Variants in PRRX2 observed in about 807,000 individuals in gnomAD.
PRRX2 encodes the protein paired related homeobox 2.
Under a neutral mutation model 18.0 loss-of-function variants are expected in PRRX2, and 11 were observed. That is an observed-to-expected ratio of 0.61 (90% CI 0.39 to 1.01). The LOEUF (loss-of-function observed/expected upper bound fraction) is 1.01, where lower values mean the gene tolerates loss of function less well. Ranked by LOEUF, PRRX2 falls within the 50% of genes least tolerant of loss-of-function variation. PRRX2 has a pLI of 0.01. For missense variants in PRRX2, 387 were observed against 351.0 expected, an observed-to-expected ratio of 1.10 and a Z score of -0.82; for synonymous variants, 177 against 154.8, an observed-to-expected ratio of 1.14 and a Z score of -1.06.
At chr9:129,722,115 A>G in intron 3 of PRRX2, 102 bp from the exon 4 acceptor site, 1 of 1,494,570 alleles carries the variant, frequency 6.7e-7, no homozygotes, top group South Asian at 1.3e-5. Context: ...TGCCCAGGAG[A>G]GCAAGCTAAG....
At chr9:129,667,427 G>A (rs909030075) in intron 1 of PRRX2, among the ~76,000 whole-genome samples, 6 of 152,310 alleles carry the variant, frequency 3.9e-5, no homozygotes, top group South Asian at 2.1e-4. Flanking sequence ...GCTCTGAGCC[G>A]GTCCCCCAAC....
chr9:129,710,616 C>A (rs1158561110), intron 1 of PRRX2, among the ~76,000 whole-genome samples: 1 of 152,126 alleles, frequency 6.6e-6, no homozygotes, highest in Admixed American at 6.5e-5. Flanking sequence ...ACTTGTAGTC[C>A]CAACTACTCG....
intron 1 of PRRX2, among the ~76,000 whole-genome samples, chr9:129,706,278 C>G (rs117898906): frequency 1.8e-3 from 207 of 113,818 alleles, no homozygotes; most frequent in Middle Eastern, 5.1e-3. Context: ...AGACTCCCAT[C>G]TCTACACAAA....
intron 1 of PRRX2, among the ~76,000 whole-genome samples, chr9:129,668,035 G>C (rs1269169184): frequency 6.6e-6 from 1 of 152,218 alleles, no homozygotes; most frequent in Non-Finnish European, 1.5e-5. Context: ...TCGTGGGCTG[G>C]TCCGTCTTGG....
chr9:129,677,845 GAAGA>G (rs138422625), intron 1 of PRRX2, among the ~76,000 whole-genome samples: 2,076 of 152,288 alleles, frequency 0.014, 44 homozygotes, highest in African/African-American at 0.047. Flanking sequence ...CACTGGGAAG[GAAGA>G]AAGAAAAGGC....
chr9:129,714,008 C>T (rs1023737669), intron 1 of PRRX2, among the ~76,000 whole-genome samples: 2 of 151,370 alleles, frequency 1.3e-5, no homozygotes, highest in East Asian at 2.0e-4. Context: ...CTTCAGTTTC[C>T]GTGTGTGTAA....
Position 129,679,067 on chromosome 9 carries a change from C to T in PRRX2, c.259+12941C>T, listed in dbSNP as rs537208551. ...CCGTGCCCCACGTCGCAGTCCACCA[C>T]GTGCAGGACGGCAGCACCAATCAGG... On this transcript the variant is annotated intron_variant, in intron 1 of 3. Coordinates refer to ENST00000372469, the MANE Select transcript of PRRX2 (RefSeq NM_016307.4). Among the ~76,000 whole-genome samples, 67 of 152,302 alleles carry T rather than the reference C, an allele frequency of 4.4e-4. 2 individuals are homozygous for T. In the South Asian group the frequency reaches 0.013, roughly 29 times the overall value.
At chr9:129,667,775 C>A (rs1354433955) in intron 1 of PRRX2, among the ~76,000 whole-genome samples, 1 of 152,130 alleles carries the variant, frequency 6.6e-6, no homozygotes, top group Admixed American at 6.5e-5. Flanking sequence ...CCCGGGGATC[C>A]CAGAACAGCT....
At chr9:129,684,514 A>C (rs954642484) in intron 1 of PRRX2, among the ~76,000 whole-genome samples, 19 of 39,756 alleles carry the variant, frequency 4.8e-4, no homozygotes, top group Middle Eastern at 0.012. Flanking sequence ...ACACACACAC[A>C]CACACACACC....
intron 1 of PRRX2, 81 bp downstream of exon 1, chr9:129,666,207 G>C (rs1035089113): frequency 4.2e-6 from 4 of 952,752 alleles, no homozygotes; most frequent in Non-Finnish European, 5.0e-6. Flanking sequence ...GGGAGCCGGC[G>C]CGGGGCGGGC....
intron 1 of PRRX2, among the ~76,000 whole-genome samples, chr9:129,696,547 G>A (rs1832425229): frequency 6.6e-6 from 1 of 152,134 alleles, no homozygotes. Context: ...CTGCACTCCA[G>A]CCTGCGCCAC....
intron 1 of PRRX2, among the ~76,000 whole-genome samples, chr9:129,669,414 T>C (rs1484297787): frequency 6.6e-6 from 1 of 152,238 alleles, no homozygotes; most frequent in Non-Finnish European, 1.5e-5. Context: ...ACCACATTAA[T>C]AACTGAGATT....
At chr9:129,699,834 G>A (rs1832472574) in intron 1 of PRRX2, among the ~76,000 whole-genome samples, 1 of 152,190 alleles carries the variant, frequency 6.6e-6, no homozygotes, top group South Asian at 2.1e-4. Context: ...TGGGGAGGAA[G>A]TGTCCCAGGG....
In PRRX2 at chr9:129,666,156, GCGGGGCCGGGGCCGGGGC is replaced by G. The variant is rs551101163; in HGVS notation, c.259+43_259+60del. 5 of 923,990 alleles carry G rather than the reference GCGGGGCCGGGGCCGGGGC, an allele frequency of 5.4e-6. No homozygotes were observed. The East Asian group carries it at 3.2e-4, about 60-fold the overall frequency. The allele number at this position is 923,990 out of a possible 1,614,324, so 57.2% of individuals were successfully genotyped here. On this transcript the variant is annotated intron_variant, in intron 1 of 3. Coordinates refer to ENST00000372469, the MANE Select transcript of PRRX2 (RefSeq NM_016307.4). The stretch of plus-strand genomic sequence containing the variant: ...GTACGGCCGGCCAGGGACGGGGGTG[GCGGGGCCGGGGCCGGGGC>G]CGGGGCCGGGGCGCGGGGTCCGGGG...
rs147999083 is a variant in PRRX2 at position 129,719,092 on chromosome 9, G to A, written c.260-139G>A. The A allele has an allele frequency of 3.8e-3, 3,025 of 789,208 alleles. 10 individuals are homozygous for A. The highest frequency in any genetic ancestry group is 5.1e-3 in the Non-Finnish European group (2,652 of 520,760). The allele number at this position is 789,208 out of a possible 1,614,324, so 48.9% of individuals were successfully genotyped here. A position where few individuals can be genotyped will look rare whatever the true frequency, so the allele number is the denominator to read the frequency against. On this transcript the variant is annotated intron_variant, in intron 1 of 3. Transcript: ENST00000372469. ...TGGATGGGTGGATGCCAGAAGGAAG[G>A]AATGAGGGAGTGAATTAAAGGGACG...
intron 1 of PRRX2, among the ~76,000 whole-genome samples, chr9:129,717,620 C>T (rs1022922149): frequency 1.4e-5 from 2 of 147,750 alleles, no homozygotes; most frequent in East Asian, 2.0e-4. Flanking sequence ...CACTTGAACC[C>T]GGGAGGCAGA....
In PRRX2 at chr9:129,691,642, A is replaced by T. The variant is rs117405779; in HGVS notation, c.259+25516A>T. On this transcript the variant is annotated intron_variant, in intron 1 of 3. Transcript: ENST00000372469. ...CCTCCCCCACAGAGAGCCAGTTGTG[A>T]AATTTATTTTTTAATATTCTTTTCC... 1.3e-3 allele frequency among the ~76,000 whole-genome samples: 204 copies of T among 151,788 alleles called. No individual in the cohort carries two copies. The East Asian group carries it at 0.024, about 18-fold the overall frequency.
At chr9:129,700,809 G>A (rs1171413045) in intron 1 of PRRX2, among the ~76,000 whole-genome samples, 3 of 152,028 alleles carry the variant, frequency 2.0e-5, no homozygotes, top group Non-Finnish European at 4.4e-5. Flanking sequence ...GTAAAGGTGG[G>A]GGTTTTGCCA....
At chr9:129,711,399 C>CTTTTTTTTT (rs897807963) in intron 1 of PRRX2, among the ~76,000 whole-genome samples, 2 of 85,026 alleles carry the variant, frequency 2.4e-5, no homozygotes, top group African/African-American at 5.0e-5. Context: ...GTGAGATTCT[C>CTTTTTTTTT]TTTTTTTTTT....
Sources: allele counts gnomAD v4.1 joint callset (sites outside exome capture counted in the v4.1 genomes callset), GRCh38; gene constraint gnomAD v4.1.1; transcripts MANE v1.5; gene names NCBI Gene and HGNC (gene_info 2026-07-23, HGNC 2026-07-21).